The following SYNPR variants were observed in gnomAD, a reference collection of about 807,000 sequenced individuals.
SYNPR encodes the protein synaptoporin.
A neutral mutation model predicts 32.9 loss-of-function variants in SYNPR; 23 were observed. The observed-to-expected ratio is 0.70, with a 90% CI of 0.50 to 0.99. The LOEUF (loss-of-function observed/expected upper bound fraction) is 0.99, where lower values mean the gene tolerates loss of function less well. SYNPR is among the 50% of genes least tolerant of loss of function. The pLI, the probability that SYNPR is intolerant of heterozygous loss-of-function variation, is 0.00. For synonymous variants in SYNPR, 146 were observed against 135.9 expected (o/e 1.07, Z -0.52); for missense variants, 318 against 349.3 (o/e 0.91, Z 0.71).
At chr3:63,335,022 A>G (rs2087270595) in intron 2 of SYNPR, among the ~76,000 whole-genome samples, 1 of 152,116 alleles carries the variant, frequency 6.6e-6, no homozygotes, top group South Asian at 2.1e-4. Flanking sequence ...GACAACTGTT[A>G]ATAGGTTGAT....
intron 2 of SYNPR, among the ~76,000 whole-genome samples, chr3:63,287,560 T>C (rs1575587003): frequency 6.6e-6 from 1 of 152,226 alleles, no homozygotes; most frequent in East Asian, 1.9e-4. Flanking sequence ...AACACAGTGC[T>C]TAACACACAG....
At chr3:63,265,265 T>TTTTTTTTTTTTTTTTG in intron 2 of SYNPR, among the ~76,000 whole-genome samples, 1 of 106,912 alleles carries the variant, frequency 9.4e-6, no homozygotes, top group Non-Finnish European at 2.1e-5. Flanking sequence ...TTTTTTTTTT[T>TTTTTTTTTTTTTTTTG]TTCTGAGATG....
chr3:63,476,624 A>G (rs1700932537), intron 2 of SYNPR, among the ~76,000 whole-genome samples: 1 of 152,096 alleles, frequency 6.6e-6, no homozygotes, highest in Non-Finnish European at 1.5e-5. Flanking sequence ...TCTTCCCCCA[A>G]CCATAGAGCT....
At chr3:63,245,805 T>C (rs1441897673) in intron 1 of SYNPR, among the ~76,000 whole-genome samples, 3 of 151,674 alleles carry the variant, frequency 2.0e-5, no homozygotes, top group Admixed American at 2.0e-4. Context: ...CTCTTCTGGG[T>C]GACTTTTGAT....
chr3:63,510,884 C>G (rs1701683610), intron 3 of SYNPR, among the ~76,000 whole-genome samples: 1 of 140,860 alleles, frequency 7.1e-6, no homozygotes, highest in African/African-American at 2.5e-5. Flanking sequence ...GCCTGAGAAA[C>G]TTTAAGTAAA....
chr3:63,211,324 C>A, the SYNPR span, among the ~76,000 whole-genome samples: 1 of 152,182 alleles, frequency 6.6e-6, no homozygotes, highest in East Asian at 1.9e-4. Context: ...GCCTCAGCCT[C>A]CCAAACTGCT....
intron 2 of SYNPR, among the ~76,000 whole-genome samples, chr3:63,418,776 T>G (rs1208099267): frequency 6.6e-6 from 1 of 152,124 alleles, no homozygotes; most frequent in Non-Finnish European, 1.5e-5. Context: ...CCTCCCATGA[T>G]TCAATTACCC....
chr3:63,364,690 A>C (rs1189296844), intron 2 of SYNPR, among the ~76,000 whole-genome samples: 1 of 152,142 alleles, frequency 6.6e-6, no homozygotes, highest in Non-Finnish European at 1.5e-5. Flanking sequence ...ACTGCCACCA[A>C]CTACTTGTAT....
At chr3:63,454,522 T>C (rs1700442360) in intron 2 of SYNPR, among the ~76,000 whole-genome samples, 1 of 152,102 alleles carries the variant, frequency 6.6e-6, no homozygotes, top group African/African-American at 2.4e-5. Context: ...AACAAACAGG[T>C]GAATTGCATA....
chr3:63,270,920 TC>T (rs1553862655), intron 3 of SYNPR, among the ~76,000 whole-genome samples: 33 of 85,680 alleles, frequency 3.9e-4, no homozygotes, highest in African/African-American at 8.0e-4. Context: ...CTTCCTTCCT[TC>T]CTTCTTTCTT....
intron 2 of SYNPR, among the ~76,000 whole-genome samples, chr3:63,377,933 G>C (rs1272891278): frequency 1.3e-5 from 2 of 151,748 alleles, no homozygotes; most frequent in Non-Finnish European, 2.9e-5. Context: ...AAGTTGTATT[G>C]GTTCAGAAAG....
At chr3:63,423,405 G>A (rs1322614225) in intron 2 of SYNPR, among the ~76,000 whole-genome samples, 1 of 152,202 alleles carries the variant, frequency 6.6e-6, no homozygotes, top group Non-Finnish European at 1.5e-5. Flanking sequence ...GGCCAGCGAG[G>A]AGACAGGAGA....
upstream of SYNPR, among the ~76,000 whole-genome samples, chr3:63,227,830 T>C (rs1236233716): frequency 1.3e-5 from 2 of 152,180 alleles, no homozygotes; most frequent in Admixed American, 1.3e-4. Flanking sequence ...ATAGGTCACA[T>C]GGCTACTTCT....
intron 1 of SYNPR, among the ~76,000 whole-genome samples, chr3:63,250,700 A>T (rs554397296): frequency 3.3e-5 from 5 of 152,212 alleles, no homozygotes; most frequent in Non-Finnish European, 5.9e-5. Context: ...GAGGAAAATG[A>T]GTCTCACAGA....
intron 2 of SYNPR, among the ~76,000 whole-genome samples, chr3:63,461,088 A>T: frequency 6.6e-6 from 1 of 151,996 alleles, no homozygotes; most frequent in East Asian, 1.9e-4. Context: ...GCTTGGGCAC[A>T]TCTCAAATAA....
intron 2 of SYNPR, among the ~76,000 whole-genome samples, chr3:63,441,772 A>G (rs1379234245): frequency 6.6e-6 from 1 of 152,190 alleles, no homozygotes; most frequent in East Asian, 1.9e-4. Flanking sequence ...TAAGCACCCC[A>G]AAAGCTCAGG....
chr3:63,581,753 T>G (rs1298237942), intron 4 of SYNPR, among the ~76,000 whole-genome samples: 1 of 152,070 alleles, frequency 6.6e-6, no homozygotes, highest in African/African-American at 2.4e-5. Flanking sequence ...CTTGAAAGGT[T>G]TATTAAAGTT....
chr3:63,223,963 A>C (rs2086111360), upstream of SYNPR, among the ~76,000 whole-genome samples: 1 of 152,224 alleles, frequency 6.6e-6, no homozygotes, highest in Non-Finnish European at 1.5e-5. Context: ...TTGTTGCATA[A>C]ATAAAATTTA....
At chr3:63,526,966 G>T (rs951401650) in intron 3 of SYNPR, among the ~76,000 whole-genome samples, 9 of 152,178 alleles carry the variant, frequency 5.9e-5, no homozygotes, top group African/African-American at 2.2e-4. Context: ...CACCACGATA[G>T]TAGAAATCAA....
Sources: gnomAD v4.1 joint callset for allele counts (sites outside exome capture counted in the v4.1 genomes callset) on GRCh38, gnomAD v4.1.1 for gene constraint, MANE v1.5 for transcripts, NCBI Gene and HGNC (gene_info 2026-07-23, HGNC 2026-07-21) for gene names.